Variants in EIF3A observed in about 807,000 individuals in gnomAD.
EIF3A encodes EIF3, p180 subunit.
EIF3A carries 21 observed loss-of-function variants against 186.6 expected under a neutral mutation model. The ratio of observed to expected loss-of-function variants is 0.11; its 90% CI spans 0.08 to 0.16. The LOEUF is 0.16. Among genes scored for constraint, EIF3A ranks in the 10% least tolerant of loss-of-function variants. The pLI is 1.00. For synonymous variants in EIF3A, 563 were observed against 584.3 expected, an observed-to-expected ratio of 0.96 and a Z score of 0.52; for missense variants, 1,306 against 1,796.3, an observed-to-expected ratio of 0.73 and a Z score of 4.93.
At position 119,050,690 on chromosome 10, in the gene EIF3A, C is replaced by A. The variant is rs751630920; in HGVS notation, c.2320-16G>T. 6 of 1,613,246 alleles carry A rather than the reference C, an allele frequency of 3.7e-6. No homozygotes were observed. The highest frequency in any genetic ancestry group is 2.2e-5 in the East Asian group (1 of 44,890). ...TAAGTTTTTCCTGCAATCGAAGTAACCCCCAACCCAAAAAGGGCACACTTT... is the reference window on the plus strand; with the variant it reads ...TAAGTTTTTCCTGCAATCGAAGTAAACCCCAACCCAAAAAGGGCACACTTT... On this transcript the variant is annotated splice_polypyrimidine_tract_variant and intron_variant, in intron 15 of 21. Transcript: ENST00000369144.
At chr10:119,072,504 G>A (rs948107716) in intron 4 of EIF3A, among the ~76,000 whole-genome samples, 2 of 152,188 alleles carry the variant, frequency 1.3e-5, no homozygotes, top group South Asian at 2.1e-4. Context: ...CAAGGCTGGA[G>A]TGCAACAGTG....
chr10:119,051,077 T>C, intron 15 of EIF3A, 122 bp downstream of exon 15: 2 of 840,684 alleles, frequency 2.4e-6, no homozygotes, highest in Non-Finnish European at 3.5e-6. Context: ...AAATTTCTAT[T>C]ATTTGAATGA....
At chr10:119,040,341 A>G (rs1425704266) in intron 19 of EIF3A, among the ~76,000 whole-genome samples, 1 of 152,232 alleles carries the variant, frequency 6.6e-6, no homozygotes, top group African/African-American at 2.4e-5. Context: ...AAGATTTAAC[A>G]TAAAGGATGA....
chr10:119,056,489 T>C (rs1843785072), intron 14 of EIF3A, among the ~76,000 whole-genome samples: 2 of 152,206 alleles, frequency 1.3e-5, no homozygotes, highest in South Asian at 4.1e-4. Flanking sequence ...CCATACAATT[T>C]ACCCATTTAA....
chr10:119,065,530 T>C lies in EIF3A; in HGVS notation c.991A>G (p.Ile331Val), dbSNP rs545176741. 2.4e-5 allele frequency: 39 copies of C among 1,613,050 alleles called. No homozygotes were observed. Among genetic ancestry groups the C allele is most frequent in the South Asian group, 3.3e-5 (3 of 91,048 alleles). Reference protein sequence around the residue: ...RVLLATLSIPITPERTDIARL... With the variant: ...RVLLATLSIPVTPERTDIARL... Reference sequence around the variant, plus strand: ...GCAATATCCGTACGCTCAGGAGTAATAGGGATGGAAAGAGTGGCTAAAAGG... The same window carrying C: ...GCAATATCCGTACGCTCAGGAGTAACAGGGATGGAAAGAGTGGCTAAAAGG... The change falls in exon 7 of 22, where the codon ATT (isoleucine) becomes GTT (valine). Residue 331 changes from isoleucine (I) to valine (V), a missense_variant. This residue lies in a region of EIF3A where 267 missense variants were observed against 367.8 expected (regional missense o/e 0.73). Transcript: ENST00000369144.
chr10:119,070,947 G>C lies in EIF3A; in HGVS notation c.680C>G (p.Ser227Cys). The C allele has an allele frequency of 6.2e-7, 1 of 1,613,942 alleles. No individual in the cohort carries two copies. Among genetic ancestry groups the C allele is most frequent in the Non-Finnish European group, 8.5e-7 (1 of 1,179,812 alleles). Residue 227 changes from serine to cysteine, a missense_variant, in exon 5 of 22, where the codon TCC (serine) becomes TGC (cysteine). By Grantham distance (112) the Ser-to-Cys change is moderately radical. Transcript: ENST00000369144. The part of the protein sequence containing the change: ...AINLNNPESQ[S>C]MHLETRLVQL... Reference sequence around the variant, plus strand: ...AACAAGTCTGGTTTCCAAATGCATGGACTGGCTCTCTGGATTATTAAGATT... The same window carrying C: ...AACAAGTCTGGTTTCCAAATGCATGCACTGGCTCTCTGGATTATTAAGATT...
chr10:119,050,134 G>C, intron 16 of EIF3A, 149 bp from the exon 17 acceptor site: 1 of 791,610 alleles, frequency 1.3e-6, no homozygotes, highest in Non-Finnish European at 2.0e-6. Context: ...ACAGAACATA[G>C]TCAAGAAAAT....
intron 1 of EIF3A, chr10:119,080,349 T>A: frequency 3.0e-6 from 3 of 985,414 alleles, no homozygotes; most frequent in Non-Finnish European, 3.6e-6. Flanking sequence ...GGGTAGGGGC[T>A]GTCTCCCGGG....
rs749389376 is a variant in EIF3A, at chr10:119,058,124, T to C, written c.1809A>G (p.Lys603=). The change falls in exon 12 of 22, where the codon AAA becomes AAG. Residue 603 remains lysine, a synonymous_variant. Coordinates refer to ENST00000369144, the MANE Select transcript of EIF3A (RefSeq NM_003750.4). ...GCCTCTCTTCCTCAGCCTTCCGCAC[T>C]TTCTGGAGTTCAGCTTCCCTCTGTT... The part of the protein sequence containing the change: ...ELEQREAELQ[K]VRKAEEERLR... 3 of 1,614,192 alleles carry C rather than the reference T, an allele frequency of 1.9e-6. No individual in the cohort carries two copies. Among genetic ancestry groups the C allele is most frequent in the South Asian group, 2.2e-5 (2 of 91,084 alleles).
At chr10:119,073,672 C>A in intron 2 of EIF3A, 75 bp downstream of exon 2, 2 of 1,559,994 alleles carry the variant, frequency 1.3e-6, no homozygotes, top group Non-Finnish European at 1.7e-6. Flanking sequence ...ACAATATATT[C>A]ACTTCGAAAG....
chr10:119,041,390 T>A (rs185612125), intron 19 of EIF3A, among the ~76,000 whole-genome samples: 2 of 151,846 alleles, frequency 1.3e-5, no homozygotes, highest in African/African-American at 4.8e-5. Flanking sequence ...CTGGGCAACA[T>A]AGCGAAACCC....
At chr10:119,068,617 T>G (rs1844017840) in intron 6 of EIF3A, among the ~76,000 whole-genome samples, 1 of 150,948 alleles carries the variant, frequency 6.6e-6, no homozygotes, top group South Asian at 2.1e-4. Context: ...CGGAGTGAGA[T>G]CGCATCATTG....
chr10:119,042,661 G>A lies in EIF3A; in HGVS notation c.2859C>T (p.Asp953=), dbSNP rs148664870. The change falls in exon 19 of 22, where the codon GAC becomes GAT. Residue 953 remains aspartate, a synonymous_variant. Transcript: ENST00000369144. The surrounding 1 kb of genome is among the most constrained non-coding windows in gnomAD (Gnocchi z 7.8). ...DEDREPSLRP[D]DDRVPRRGMD... ...TGCCACGCCGGGGAACCCGATCATCGTCTGGTCTAAGAGAGGGCTCTCTAT... is the reference window on the plus strand; with the variant it reads ...TGCCACGCCGGGGAACCCGATCATCATCTGGTCTAAGAGAGGGCTCTCTAT... 1.1e-4 allele frequency: 179 copies of A among 1,614,062 alleles called. No homozygotes were observed. Among genetic ancestry groups the A allele is most frequent in the Admixed American group, 1.3e-4 (8 of 60,000 alleles).
At chr10:119,074,755 G>A (rs1039412399) in intron 1 of EIF3A, among the ~76,000 whole-genome samples, 10 of 151,238 alleles carry the variant, frequency 6.6e-5, no homozygotes, top group Non-Finnish European at 1.3e-4. Flanking sequence ...CCAAAATGGA[G>A]AAACCAAGTC....
rs12256484 is a variant in EIF3A at position 119,063,088 on chromosome 10, T to C, written c.1123-1760A>G. ...TTTAACAAGGTGACGTGGATTATCC[T>C]TCCAGTGTGGCACGTTTCTTCAGCT... On this transcript the variant is annotated intron_variant, in intron 7 of 21. Transcript: ENST00000369144. Among the ~76,000 whole-genome samples, 828 of 152,272 alleles carry C rather than the reference T, an allele frequency of 5.4e-3. 14 individuals carry two copies. Among genetic ancestry groups the C allele is most frequent in the African/African-American group, 0.019 (785 of 41,552 alleles).
intron 19 of EIF3A, among the ~76,000 whole-genome samples, chr10:119,041,399 C>T (rs1848207556): frequency 6.6e-6 from 1 of 151,916 alleles, no homozygotes; most frequent in African/African-American, 2.4e-5. Flanking sequence ...ATAGCGAAAC[C>T]CCGTCTCTCC....
chr10:119,070,857 A>G, intron 5 of EIF3A, 29 bp downstream of exon 5: 1 of 1,512,678 alleles, frequency 6.6e-7, no homozygotes, highest in Non-Finnish European at 9.2e-7. Context: ...TATTATTTCT[A>G]GGAAGAAAAG....
At chr10:119,043,604 A>AAAC (rs948834627) in intron 18 of EIF3A, among the ~76,000 whole-genome samples, 61 of 151,930 alleles carry the variant, frequency 4.0e-4, no homozygotes, top group African/African-American at 1.2e-3. Context: ...CGCCATCTCA[A>AAAC]AACAACAACA....
rs758184332 is a variant in EIF3A, at chr10:119,043,622, C to T, written c.2747+432G>A. 2.6e-5 allele frequency among the ~76,000 whole-genome samples: 4 copies of T among 151,824 alleles called. No individual in the cohort carries two copies. In the South Asian group the frequency reaches 8.3e-4, roughly 32 times the overall value. On this transcript the variant is annotated intron_variant, in intron 18 of 21. Coordinates refer to ENST00000369144, the MANE Select transcript of EIF3A (RefSeq NM_003750.4). ...CATCTCAAAACAACAACAACAACAACAAAAACAACAACACAGGCCAAGTGC... is the reference window on the plus strand; with the variant it reads ...CATCTCAAAACAACAACAACAACAATAAAAACAACAACACAGGCCAAGTGC...
Sources: gnomAD v4.1 joint callset for allele counts (sites outside exome capture counted in the v4.1 genomes callset) on GRCh38, gnomAD v4.1.1 for gene constraint, gnomAD v4.1.1 regional missense constraint, Gnocchi (gnomAD v3.1) non-coding constraint, MANE v1.5 for transcripts, NCBI Gene and HGNC (gene_info 2026-07-23, HGNC 2026-07-21) for gene names.